The following LCORL variants were observed in gnomAD, a reference collection of about 807,000 sequenced individuals.
LCORL encodes the protein ligand dependent nuclear receptor corepressor like.
LCORL carries 41 observed loss-of-function variants against 141.8 expected under a neutral mutation model. That is an observed-to-expected ratio of 0.29 (90% CI 0.23 to 0.38). LCORL has a LOEUF of 0.38. Ranked by LOEUF, LCORL falls within the 10% of genes least tolerant of loss-of-function variation. LCORL has a pLI of 1.00. For synonymous variants in LCORL, 618 were observed against 694.1 expected (o/e 0.89, Z 1.72); for missense variants, 1,759 against 2,035.0 (o/e 0.86, Z 2.61).
At chr4:17,974,885 T>C (rs988939388) in intron 1 of LCORL, among the ~76,000 whole-genome samples, 2 of 152,160 alleles carry the variant, frequency 1.3e-5, no homozygotes, top group African/African-American at 4.8e-5. Context: ...AAGATTCTTT[T>C]AATACCTTTC....
chr4:17,946,973 T>C (rs754546830), intron 4 of LCORL, among the ~76,000 whole-genome samples: 15 of 151,914 alleles, frequency 9.9e-5, no homozygotes, highest in African/African-American at 3.1e-4. Flanking sequence ...AAACTGAAAA[T>C]TGAATTACTG....
intron 4 of LCORL, among the ~76,000 whole-genome samples, chr4:17,955,804 AG>A (rs944086921): frequency 7.2e-5 from 11 of 152,154 alleles, no homozygotes; most frequent in African/African-American, 2.7e-4. Flanking sequence ...AAGAGAGGAA[AG>A]GGAGTTAAGA....
intron 7 of LCORL, among the ~76,000 whole-genome samples, chr4:17,855,425 T>C (rs1238534810): frequency 6.6e-6 from 1 of 152,198 alleles, no homozygotes; most frequent in Admixed American, 6.6e-5. Context: ...TGACATGGTT[T>C]ATAACGTTCC....
rs557037014 is a variant in LCORL, at chr4:17,870,031, A to G, written c.5602+3357T>C. Among the ~76,000 whole-genome samples the G allele has an allele frequency of 5.3e-5, 8 of 152,276 alleles. No homozygotes were observed. The South Asian group carries it at 8.3e-4, about 16-fold the overall frequency. On this transcript the variant is annotated intron_variant, in intron 7 of 7. Transcript: ENST00000635767. ...CATTATTTGATGCTGACCTCACAAT[A>G]TGGGCTATGCTTCCCTCAGTAGCTT... is the stretch of plus-strand genomic sequence containing the variant.
intron 7 of LCORL, among the ~76,000 whole-genome samples, chr4:17,853,368 A>G (rs1577246996): frequency 6.6e-6 from 1 of 152,120 alleles, no homozygotes; most frequent in African/African-American, 2.4e-5. Context: ...GGAGAGTTAA[A>G]TATTTAATGC....
intron 2 of LCORL, 101 bp downstream of exon 2, chr4:17,972,719 C>G: frequency 2.4e-6 from 1 of 412,026 alleles, no homozygotes; most frequent in Non-Finnish European, 4.2e-6. Flanking sequence ...TAAATTGGAT[C>G]ATAAATTCAT....
At chr4:17,896,281 CCTCTCT>C (rs371831539) in intron 5 of LCORL, among the ~76,000 whole-genome samples, 15 of 150,882 alleles carry the variant, frequency 9.9e-5, no homozygotes, top group African/African-American at 3.4e-4. Context: ...CCTTTCCTTC[CCTCTCT>C]CTCTCTCTCT....
exon 7 of LCORL, chr4:17,874,314 A>C: frequency 8.1e-7 from 1 of 1,233,860 alleles, no homozygotes; most frequent in East Asian, 3.2e-5. Context: ...AGAGAGTGCA[A>C]ATTTTTTAAA....
At chr4:17,935,036 A>G (rs1736628568) in intron 4 of LCORL, among the ~76,000 whole-genome samples, 1 of 152,290 alleles carries the variant, frequency 6.6e-6, no homozygotes, top group African/African-American at 2.4e-5. Flanking sequence ...CAAATGAAAC[A>G]GTTCTGACTA....
chr4:17,940,170 ATG>A (rs1386840296), intron 4 of LCORL, among the ~76,000 whole-genome samples: 2 of 87,962 alleles, frequency 2.3e-5, no homozygotes, highest in African/African-American at 3.4e-5. Context: ...ATATGTATAC[ATG>A]TATATATATA....
intron 4 of LCORL, among the ~76,000 whole-genome samples, chr4:17,955,229 A>G (rs1712354580): frequency 6.6e-6 from 1 of 152,216 alleles, no homozygotes; most frequent in Non-Finnish European, 1.5e-5. Context: ...GAAAGTGATC[A>G]GCTCTATCAA....
chr4:17,888,658 C>G (rs1391499552), intron 5 of LCORL, among the ~76,000 whole-genome samples: 2 of 152,110 alleles, frequency 1.3e-5, no homozygotes, highest in Non-Finnish European at 2.9e-5. Context: ...AAATCTTTTT[C>G]TCCCATGAGA....
chr4:17,853,931 G>A (rs542278422), intron 7 of LCORL, among the ~76,000 whole-genome samples: 57 of 152,202 alleles, frequency 3.7e-4, no homozygotes, highest in Non-Finnish European at 4.9e-4. Flanking sequence ...AGGGGTTTGC[G>A]GCTTGGTAAG....
At chr4:18,020,410 T>C (rs1356079130) in intron 1 of LCORL, 1 of 151,950 alleles carries the variant, frequency 6.6e-6, no homozygotes, top group Non-Finnish European at 1.5e-5. Context: ...GCTTACACAA[T>C]ACAACCTTCC....
At chr4:17,931,517 T>C (rs1736036758) in intron 4 of LCORL, among the ~76,000 whole-genome samples, 1 of 152,102 alleles carries the variant, frequency 6.6e-6, no homozygotes, top group African/African-American at 2.4e-5. Flanking sequence ...GTAGTTTTTT[T>C]GTCATTATCA....
At chr4:17,981,118 T>C (rs1375254228) in intron 1 of LCORL, among the ~76,000 whole-genome samples, 2 of 152,214 alleles carry the variant, frequency 1.3e-5, no homozygotes, top group Non-Finnish European at 1.5e-5. Flanking sequence ...CTGAAAGCTA[T>C]ATAACTTTTT....
chr4:17,930,350 G>A lies in LCORL; in HGVS notation c.431-21005C>T, dbSNP rs371702076. 6.6e-4 allele frequency among the ~76,000 whole-genome samples: 101 copies of A among 152,268 alleles called. 1 individual carries two copies. In the South Asian group the frequency reaches 0.019, roughly 28 times the overall value. ...AGACTCCGTTTCCACACACAAACAC[G>A]AAGTAGAGTTTTCTACTGTTTAATT... On this transcript the variant is annotated intron_variant, in intron 4 of 7. Coordinates refer to ENST00000635767, the Ensembl canonical transcript of LCORL.
intron 6 of LCORL, chr4:17,883,889 G>A (rs2109215673): frequency 6.4e-7 from 1 of 1,550,536 alleles, no homozygotes; most frequent in Admixed American, 2.0e-5. Flanking sequence ...AATTCCTTGT[G>A]CTTTGGAAAC....
Position 17,892,780 on chromosome 4 carries a change from A to T in LCORL, c.683-6619T>A, listed in dbSNP as rs182040569. Among the ~76,000 whole-genome samples, 9 of 152,324 alleles carry T rather than the reference A, an allele frequency of 5.9e-5. No homozygotes were observed. The East Asian group carries it at 1.2e-3, about 20-fold the overall frequency. ...GTAATTCTTTTTTCTTTCTTCAGTT[A>T]TTCCTGCAAGTACTGAATTAAATCA... On this transcript the variant is annotated intron_variant, in intron 5 of 7. Coordinates refer to ENST00000635767, the Ensembl canonical transcript of LCORL.
Sources: gnomAD v4.1 joint callset for allele counts (sites outside exome capture counted in the v4.1 genomes callset) on GRCh38, gnomAD v4.1.1 for gene constraint, MANE v1.5 for transcripts, NCBI Gene and HGNC (gene_info 2026-07-23, HGNC 2026-07-21) for gene names.